The following STARD10 variants were observed in gnomAD, a reference collection of about 807,000 sequenced individuals.
STARD10 encodes START domain-containing protein 10.
A neutral mutation model predicts 36.0 loss-of-function variants in STARD10; 24 were observed. The observed-to-expected ratio is 0.67, with a 90% CI of 0.48 to 0.94. The LOEUF (loss-of-function observed/expected upper bound fraction) is 0.94, where lower values mean the gene tolerates loss of function less well. Among genes scored for constraint, STARD10 ranks in the 40% least tolerant of loss-of-function variants. The pLI, the probability that STARD10 is intolerant of heterozygous loss-of-function variation, is 0.00. For synonymous variants in STARD10, 156 were observed against 161.9 expected, an observed-to-expected ratio of 0.96 and a Z score of 0.28; for missense variants, 335 against 396.6, an observed-to-expected ratio of 0.84 and a Z score of 1.32.
rs576412732 is a variant in STARD10 at position 72,758,477 on chromosome 11, GCGCTGC to G, written c.459+47_459+52del. The G allele has an allele frequency of 1.0e-4, 150 of 1,464,286 alleles. 2 individuals are homozygous for G. In the East Asian group the frequency reaches 1.6e-3, roughly 16 times the overall value. 90.7% of individuals were successfully genotyped at this position (1,464,286 alleles called of 1,614,324 possible). A position where few individuals can be genotyped will look rare whatever the true frequency, so the allele number is the denominator to read the frequency against. On this transcript the variant is annotated intron_variant, in intron 4 of 6. Coordinates refer to ENST00000334805, the MANE Select transcript of STARD10 (RefSeq NM_006645.3). ...AAGTCATGGTGGCAGCCTCAGCCTT[GCGCTGC>G]CTGACCCTCTCCCCTGCTCCACCGC...
intron 2 of STARD10, among the ~76,000 whole-genome samples, chr11:72,779,324 C>T (rs1858962918): frequency 6.6e-6 from 1 of 152,204 alleles, no homozygotes; most frequent in South Asian, 2.1e-4. Flanking sequence ...GTGTTGGATG[C>T]TGGGGACGCA....
chr11:72,784,475 A>C (rs1859046439), intron 1 of STARD10, among the ~76,000 whole-genome samples: 1 of 152,210 alleles, frequency 6.6e-6, no homozygotes, highest in Non-Finnish European at 1.5e-5. Context: ...CCCCCAGATA[A>C]GTAACTAAAA....
chr11:72,790,174 C>T (rs1859123319), intron 1 of STARD10, among the ~76,000 whole-genome samples: 1 of 152,244 alleles, frequency 6.6e-6, no homozygotes, highest in South Asian at 2.1e-4. Context: ...CTGCAAACCA[C>T]AGCCCACCCA....
At chr11:72,761,261 C>T (rs998016550) in intron 2 of STARD10, among the ~76,000 whole-genome samples, 16 of 152,178 alleles carry the variant, frequency 1.1e-4, no homozygotes, top group Admixed American at 2.0e-4. Flanking sequence ...TACTGGTCAA[C>T]GTAAACAAAG....
chr11:72,765,253 C>A (rs1263093948), intron 2 of STARD10, among the ~76,000 whole-genome samples: 2 of 152,080 alleles, frequency 1.3e-5, no homozygotes. Context: ...GCAACAACAG[C>A]AAAACTCTGT....
chr11:72,771,808 CG>C (rs1565241853), intron 2 of STARD10, among the ~76,000 whole-genome samples: 1 of 151,974 alleles, frequency 6.6e-6, no homozygotes, highest in East Asian at 1.9e-4. Context: ...CCTGGGGGGG[CG>C]AGGGGGAGCC....
At chr11:72,768,517 G>A (rs551452463) in intron 2 of STARD10, among the ~76,000 whole-genome samples, 133 of 152,322 alleles carry the variant, frequency 8.7e-4, no homozygotes, top group African/African-American at 2.9e-3. Context: ...AGAGGGGAAG[G>A]AGAGAGGTCT....
rs544562024 is a variant in STARD10 at position 72,760,304 on chromosome 11, G to A, written c.208-923C>T. 1.4e-3 allele frequency among the ~76,000 whole-genome samples: 213 copies of A among 152,158 alleles called. 1 individual carries two copies. Among genetic ancestry groups the A allele is most frequent in the African/African-American group, 4.7e-3 (197 of 41,482 alleles). ...TACAGTGGCGTGATCTCGGCTCACTGCAAGCTCTGCCTTCCGGTTTCAAAG... is the reference window on the plus strand; with the variant it reads ...TACAGTGGCGTGATCTCGGCTCACTACAAGCTCTGCCTTCCGGTTTCAAAG... On this transcript the variant is annotated intron_variant, in intron 2 of 6. Coordinates refer to ENST00000334805, the MANE Select transcript of STARD10 (RefSeq NM_006645.3).
chr11:72,778,482 T>C (rs2135623246), intron 2 of STARD10, among the ~76,000 whole-genome samples: 1 of 152,274 alleles, frequency 6.6e-6, no homozygotes, highest in Non-Finnish European at 1.5e-5. Context: ...CCTCTGTCCA[T>C]CTCTCCCAGA....
chr11:72,755,860 CCA>C, intron 5 of STARD10, 107 bp from the exon 6 acceptor site: 1 of 1,038,898 alleles, frequency 9.6e-7, no homozygotes, highest in Non-Finnish European at 1.4e-6. Context: ...ACTGTCTTCC[CCA>C]TGAGGAGGAG....
intron 2 of STARD10, among the ~76,000 whole-genome samples, chr11:72,770,806 A>T (rs961325180): frequency 7.9e-5 from 12 of 152,262 alleles, no homozygotes; most frequent in African/African-American, 2.6e-4. Context: ...GATGAAAGGG[A>T]GGGGGAAGGG....
At position 72,793,859 on chromosome 11, in the gene STARD10, G is replaced by C. The variant is rs1859182833; in HGVS notation, c.-1098C>G. The stretch of plus-strand genomic sequence containing the variant: ...TGGTTGTGGCCGCTCTGTCACCACG[G>C]CTCCCGGGGCCTCTGTCGGCTCCAC... On this transcript the variant is annotated 5_prime_UTR_variant, in exon 1 of 7. Transcript: ENST00000334805. 6.6e-6 allele frequency: 1 copy of C among 152,248 alleles called. No individual in the cohort carries two copies. Among genetic ancestry groups the C allele is most frequent in the African/African-American group, 2.4e-5 (1 of 41,464 alleles). 9.4% of individuals were successfully genotyped at this position (152,248 alleles called of 1,614,324 possible).
At chr11:72,789,945 C>T (rs1231013460) in intron 1 of STARD10, among the ~76,000 whole-genome samples, 5 of 152,192 alleles carry the variant, frequency 3.3e-5, no homozygotes, top group Non-Finnish European at 7.4e-5. Context: ...CTCCGTGACT[C>T]ACTCCTCTGA....
intron 1 of STARD10, among the ~76,000 whole-genome samples, chr11:72,785,654 T>C (rs933510977): frequency 6.9e-6 from 1 of 145,052 alleles, no homozygotes; most frequent in African/African-American, 2.5e-5. Flanking sequence ...CCGTATTACA[T>C]ACCACACCTT....
Position 72,780,897 on chromosome 11 carries a change from C to CGGAGAGAGGACCAGGAGACTCCG in STARD10, c.207+55_207+77dup. ...CAGATATACAGCCAGGTGTCTAGCC[C>CGGAGAGAGGACCAGGAGACTCCG]GGAGAGAGGACCAGGAGACTCCGGG... On this transcript the variant is annotated intron_variant, in intron 2 of 6. Coordinates refer to ENST00000334805, the MANE Select transcript of STARD10 (RefSeq NM_006645.3). 3 of 1,459,268 alleles carry CGGAGAGAGGACCAGGAGACTCCG rather than the reference C, an allele frequency of 2.1e-6. No homozygotes were observed. In the Admixed American group the frequency reaches 5.0e-5, roughly 25 times the overall value. 90.4% of individuals were successfully genotyped at this position (1,459,268 alleles called of 1,614,324 possible).
At chr11:72,768,565 C>G (rs1225240560) in intron 2 of STARD10, among the ~76,000 whole-genome samples, 1 of 152,250 alleles carries the variant, frequency 6.6e-6, no homozygotes, top group Non-Finnish European at 1.5e-5. Flanking sequence ...GGCACCTCCT[C>G]CTCCAGCACT....
At chr11:72,764,687 A>G (rs1403082205) in intron 2 of STARD10, among the ~76,000 whole-genome samples, 1 of 152,104 alleles carries the variant, frequency 6.6e-6, no homozygotes, top group Non-Finnish European at 1.5e-5. Context: ...TAATTCTAAG[A>G]GGCTTGGGGA....
rs537354977 is a variant in STARD10 at position 72,775,586 on chromosome 11, A to G, written c.207+5389T>C. On this transcript the variant is annotated intron_variant, in intron 2 of 6. Coordinates refer to ENST00000334805, the MANE Select transcript of STARD10 (RefSeq NM_006645.3). The stretch of plus-strand genomic sequence containing the variant: ...ATTCCCCACCCAAAAGGATCACCTG[A>G]ACATTCCTCCTCCGTGGAGTTCCTT... Among the ~76,000 whole-genome samples, 4 of 152,238 alleles carry G rather than the reference A, an allele frequency of 2.6e-5. No homozygotes were observed. The South Asian group carries it at 8.3e-4, about 32-fold the overall frequency.
intron 2 of STARD10, among the ~76,000 whole-genome samples, chr11:72,777,583 C>T (rs952219028): frequency 6.6e-6 from 1 of 152,238 alleles, no homozygotes; most frequent in African/African-American, 2.4e-5. Context: ...AGCATCTGTC[C>T]CTGGGACAGG....
Sources: gnomAD v4.1 joint callset for allele counts (sites outside exome capture counted in the v4.1 genomes callset) on GRCh38, gnomAD v4.1.1 for gene constraint, MANE v1.5 for transcripts, NCBI Gene and HGNC (gene_info 2026-07-23, HGNC 2026-07-21) for gene names.